Variants in EPHA6 observed in about 807,000 individuals in gnomAD.
The protein encoded by EPHA6 is EPH receptor A6, also known as ephrin type-A receptor 6.
Under a neutral mutation model 112.0 loss-of-function variants are expected in EPHA6, and 50 were observed. The ratio of observed to expected loss-of-function variants is 0.45; its 90% CI spans 0.36 to 0.56. The LOEUF (loss-of-function observed/expected upper bound fraction) is 0.56. EPHA6 is among the 20% of genes least tolerant of loss of function. The probability of loss-of-function intolerance (pLI) is 0.00; values close to 1 mark genes in which losing one functional copy is unlikely to be tolerated. For synonymous variants in EPHA6, 529 were observed against 490.7 expected (o/e 1.08, Z -1.03); for missense variants, 1,280 against 1,417.4 (o/e 0.90, Z 1.56).
intron 13 of EPHA6, among the ~76,000 whole-genome samples, chr3:97,615,255 C>T (rs1275385848): frequency 1.3e-5 from 2 of 152,064 alleles, no homozygotes; most frequent in Non-Finnish European, 2.9e-5. Flanking sequence ...CAGGAGATGC[C>T]CTTGCGAACC....
intron 13 of EPHA6, among the ~76,000 whole-genome samples, chr3:97,637,182 C>T (rs1363213944): frequency 6.6e-6 from 1 of 152,124 alleles, no homozygotes; most frequent in Non-Finnish European, 1.5e-5. Context: ...TGATACCATG[C>T]CTGACTCATT....
chr3:97,406,770 A>C (rs2087375945), intron 6 of EPHA6, among the ~76,000 whole-genome samples: 1 of 152,128 alleles, frequency 6.6e-6, no homozygotes, highest in Admixed American at 6.6e-5. Context: ...GAAAGGACAA[A>C]TTTACTGAGT....
intron 3 of EPHA6, chr3:96,994,123 G>A: frequency 4.1e-6 from 1 of 243,966 alleles, no homozygotes; most frequent in Non-Finnish European, 8.5e-6. Flanking sequence ...AAAGAGGGCA[G>A]TAGACTTTTA....
chr3:97,507,190 C>T (rs2092270439), intron 10 of EPHA6, among the ~76,000 whole-genome samples: 1 of 152,134 alleles, frequency 6.6e-6, no homozygotes, highest in Admixed American at 6.5e-5. Flanking sequence ...GCCAGAACTT[C>T]CAATACTTTG....
intron 2 of EPHA6, among the ~76,000 whole-genome samples, chr3:96,897,954 G>A (rs952873180): frequency 6.6e-6 from 1 of 152,146 alleles, no homozygotes; most frequent in African/African-American, 2.4e-5. Context: ...TAGTGCCAGA[G>A]AGTTATCAAG....
At chr3:96,880,547 G>A (rs2107507288) in intron 2 of EPHA6, among the ~76,000 whole-genome samples, 1 of 152,092 alleles carries the variant, frequency 6.6e-6, no homozygotes, top group Non-Finnish European at 1.5e-5. Flanking sequence ...GAGTTGAAAT[G>A]AACATATCAC....
chr3:97,118,539 G>A (rs1285906942), intron 3 of EPHA6, among the ~76,000 whole-genome samples: 1 of 151,602 alleles, frequency 6.6e-6, no homozygotes, highest in Non-Finnish European at 1.5e-5. Flanking sequence ...CTCTTGCCTA[G>A]TCTTAACACA....
chr3:96,982,804 T>C (rs2042852521), intron 2 of EPHA6, among the ~76,000 whole-genome samples: 1 of 152,236 alleles, frequency 6.6e-6, no homozygotes, highest in African/African-American at 2.4e-5. Context: ...TTTACCATTA[T>C]GTAATGGCCT....
Position 96,974,129 on chromosome 3 carries a change from ATTATAC to A in EPHA6, c.451-13195_451-13190del, listed in dbSNP as rs200722668. ...AATTGTATTTATAATATAAAGCTTTATTATACTTATAATTATAAATAATGTATTAAA... is the reference window on the plus strand; with the variant it reads ...AATTGTATTTATAATATAAAGCTTTATTATAATTATAAATAATGTATTAAA... On this transcript the variant is annotated intron_variant, in intron 2 of 17. Transcript: ENST00000389672. Among the ~76,000 whole-genome samples, 746 of 146,684 alleles carry A rather than the reference ATTATAC, an allele frequency of 5.1e-3. 6 individuals carry two copies. Among genetic ancestry groups the A allele is most frequent in the African/African-American group, 0.017 (678 of 40,662 alleles).
chr3:97,658,219 G>A (rs1195466512), intron 14 of EPHA6, among the ~76,000 whole-genome samples: 1 of 151,710 alleles, frequency 6.6e-6, no homozygotes, highest in African/African-American at 2.4e-5. Context: ...GAGACTATGA[G>A]CCCTGATTTT....
chr3:97,639,660 T>C (rs1272505989), intron 14 of EPHA6, among the ~76,000 whole-genome samples: 5 of 152,180 alleles, frequency 3.3e-5, no homozygotes, highest in Admixed American at 3.3e-4. Context: ...AAATGTAATA[T>C]ACTCATGAAA....
chr3:97,213,415 T>A (rs1307081946), intron 3 of EPHA6, among the ~76,000 whole-genome samples: 1 of 152,140 alleles, frequency 6.6e-6, no homozygotes, highest in Non-Finnish European at 1.5e-5. Context: ...ACCACCACCA[T>A]CACCATGTGA....
intron 10 of EPHA6, among the ~76,000 whole-genome samples, chr3:97,502,631 G>A (rs1260523767): frequency 7.3e-5 from 11 of 150,678 alleles, no homozygotes; most frequent in Admixed American, 5.3e-4. Flanking sequence ...TCAGGAGATC[G>A]AGACCATCCT....
intron 3 of EPHA6, among the ~76,000 whole-genome samples, chr3:97,173,925 GT>G (rs1255593640): frequency 6.6e-6 from 1 of 151,552 alleles, no homozygotes; most frequent in Non-Finnish European, 1.5e-5. Flanking sequence ...ATTCAATTAA[GT>G]TGTTATTAAC....
At chr3:97,557,736 C>A (rs1240790925) in intron 11 of EPHA6, among the ~76,000 whole-genome samples, 1 of 151,834 alleles carries the variant, frequency 6.6e-6, no homozygotes, top group Non-Finnish European at 1.5e-5. Context: ...AATCTATCCC[C>A]TTTATATTTC....
At position 96,818,768 on chromosome 3, in the gene EPHA6, A is replaced by G. The variant is rs1351384325; in HGVS notation, c.385+3760A>G. Among the ~76,000 whole-genome samples the G allele has an allele frequency of 2.0e-5, 3 of 151,984 alleles. No individual in the cohort carries two copies. The East Asian group carries it at 5.8e-4, about 29-fold the overall frequency. Reference sequence around the variant, plus strand: ...CTGAAAATATTAAAAATTTTGTTAAATTAGGAACACTGGATTACTTAGAAT... The same window carrying G: ...CTGAAAATATTAAAAATTTTGTTAAGTTAGGAACACTGGATTACTTAGAAT... On this transcript the variant is annotated intron_variant, in intron 1 of 17. Transcript: ENST00000389672.
At chr3:96,831,743 G>A (rs944576531) in intron 1 of EPHA6, among the ~76,000 whole-genome samples, 1 of 151,962 alleles carries the variant, frequency 6.6e-6, no homozygotes, top group Non-Finnish European at 1.5e-5. Flanking sequence ...TTCTTTGCAA[G>A]CAATAGGAAT....
chr3:97,477,810 G>A (rs372666754), intron 8 of EPHA6, among the ~76,000 whole-genome samples: 3 of 128,554 alleles, frequency 2.3e-5, no homozygotes, highest in Admixed American at 8.4e-5. Flanking sequence ...ATCTGCTTTG[G>A]AGCCCAGAAA....
At chr3:97,054,967 T>C (rs754836670) in intron 3 of EPHA6, among the ~76,000 whole-genome samples, 1 of 152,070 alleles carries the variant, frequency 6.6e-6, no homozygotes, top group Non-Finnish European at 1.5e-5. Flanking sequence ...TTCCCCCCTT[T>C]GGGAAATAAT....
Sources: gnomAD v4.1 joint callset for allele counts (sites outside exome capture counted in the v4.1 genomes callset) on GRCh38, gnomAD v4.1.1 for gene constraint, MANE v1.5 for transcripts, NCBI Gene and HGNC (gene_info 2026-07-23, HGNC 2026-07-21) for gene names.